The following PTPRN2 variants were observed in gnomAD, a reference collection of about 807,000 sequenced individuals.
The protein encoded by PTPRN2 is receptor-type tyrosine-protein phosphatase N2.
In PTPRN2, 74 loss-of-function variants were observed where a neutral mutation model predicts 118.8. That is an observed-to-expected ratio of 0.62 (90% CI 0.52 to 0.76). PTPRN2 has a LOEUF of 0.76. Ranked by LOEUF, PTPRN2 falls within the 30% of genes least tolerant of loss-of-function variation. The pLI, the probability that PTPRN2 is intolerant of heterozygous loss-of-function variation, is 0.00. For synonymous variants in PTPRN2, 641 were observed against 608.0 expected, an observed-to-expected ratio of 1.05 and a Z score of -0.80; for missense variants, 1,481 against 1,394.4, an observed-to-expected ratio of 1.06 and a Z score of -0.99.
At chr7:158,473,008 CCA>C (rs377711427) in intron 2 of PTPRN2, among the ~76,000 whole-genome samples, 105,874 of 151,956 alleles carry the variant, frequency 0.7, 37,071 homozygotes, top group Admixed American at 0.78. Flanking sequence ...TGGGTTTTAC[CCA>C]CGCACCGAAA....
chr7:157,588,010 CGGTGGCTGTCCCCGTGCCTGGGCTCCCGT>C (rs1563237235), intron 17 of PTPRN2, among the ~76,000 whole-genome samples: 9 of 149,190 alleles, frequency 6.0e-5, no homozygotes, highest in East Asian at 2.0e-4. Context: ...TGGGCTCCCG[CGGTGGCTGTCCCCGTGCCTGGGCTCCCGT>C]GGTGGCTGTC....
chr7:157,561,122 A>G (rs1799166132), intron 21 of PTPRN2, among the ~76,000 whole-genome samples: 1 of 150,764 alleles, frequency 6.6e-6, no homozygotes, highest in Non-Finnish European at 1.5e-5. Context: ...TGCACTGCCC[A>G]GCCATGCCAT....
chr7:158,204,227 G>A (rs1429134714), intron 4 of PTPRN2, among the ~76,000 whole-genome samples: 1 of 132,264 alleles, frequency 7.6e-6, no homozygotes, highest in Admixed American at 7.7e-5. Flanking sequence ...CCCCGCCCTC[G>A]GTGTGCGCCG....
chr7:158,524,394 G>C (rs1824595203), intron 1 of PTPRN2, among the ~76,000 whole-genome samples: 1 of 142,380 alleles, frequency 7.0e-6, no homozygotes, highest in African/African-American at 2.7e-5. Flanking sequence ...GCCCTGGAGT[G>C]GAGTCGTCTG....
At chr7:158,173,125 CCCA>C (rs759563666) in intron 5 of PTPRN2, among the ~76,000 whole-genome samples, 2 of 150,678 alleles carry the variant, frequency 1.3e-5, no homozygotes, top group Non-Finnish European at 3.0e-5. Flanking sequence ...CACCAGCGTC[CCCA>C]CCATCATCAT....
At chr7:157,836,506 T>C (rs1241683378) in intron 12 of PTPRN2, among the ~76,000 whole-genome samples, 3 of 152,000 alleles carry the variant, frequency 2.0e-5, no homozygotes, top group Non-Finnish European at 4.4e-5. Flanking sequence ...AGCACATGGG[T>C]TGAAGAACTT....
At chr7:157,846,271 A>T (rs1808793903) in intron 12 of PTPRN2, among the ~76,000 whole-genome samples, 1 of 152,052 alleles carries the variant, frequency 6.6e-6, no homozygotes, top group Non-Finnish European at 1.5e-5. Context: ...CATCCTAGGA[A>T]ATTAAAGAGG....
At chr7:158,398,126 T>G (rs903842949) in intron 2 of PTPRN2, among the ~76,000 whole-genome samples, 8 of 152,236 alleles carry the variant, frequency 5.3e-5, no homozygotes, top group South Asian at 4.1e-4. Flanking sequence ...AATCCATCTG[T>G]AACTGTTCAA....
At chr7:157,673,539 G>A (rs1796512407) in intron 13 of PTPRN2, among the ~76,000 whole-genome samples, 1 of 147,464 alleles carries the variant, frequency 6.8e-6, no homozygotes, top group African/African-American at 2.6e-5. Flanking sequence ...AATGGGAGAG[G>A]AGTAGCTAGC....
chr7:158,542,536 A>G (rs757486006), intron 1 of PTPRN2, among the ~76,000 whole-genome samples: 3 of 152,220 alleles, frequency 2.0e-5, no homozygotes, highest in Non-Finnish European at 2.9e-5. Context: ...GAAAGAAGGA[A>G]CCAAAGCGCA....
chr7:158,564,368 G>A (rs894773106), intron 1 of PTPRN2, among the ~76,000 whole-genome samples: 1 of 152,240 alleles, frequency 6.6e-6, no homozygotes, highest in Admixed American at 6.5e-5. Context: ...TAATAGAATT[G>A]TACATTTTGT....
chr7:157,805,197 TC>T (rs1158336360), intron 12 of PTPRN2, among the ~76,000 whole-genome samples: 1 of 152,152 alleles, frequency 6.6e-6, no homozygotes, highest in African/African-American at 2.4e-5. Context: ...TCTGTTCCTC[TC>T]CCCCACAGTG....
chr7:157,803,065 A>C (rs1805417568), intron 12 of PTPRN2, among the ~76,000 whole-genome samples: 1 of 152,102 alleles, frequency 6.6e-6, no homozygotes, highest in South Asian at 2.1e-4. Flanking sequence ...CCCAGATTCA[A>C]GTGATTCTCC....
chr7:158,063,394 A>AAGACCAATCAGCTCTCTGTAAAAC (rs1202821113), intron 11 of PTPRN2, among the ~76,000 whole-genome samples: 2 of 152,204 alleles, frequency 1.3e-5, no homozygotes, highest in Non-Finnish European at 2.9e-5. Flanking sequence ...CCTGTCAAAA[A>AAGACCAATCAGCTCTCTGTAAAAC]AGACCAATCA....
chr7:157,800,736 A>G (rs1037091426), intron 12 of PTPRN2, among the ~76,000 whole-genome samples: 1 of 151,960 alleles, frequency 6.6e-6, no homozygotes, highest in African/African-American at 2.4e-5. Context: ...GCGGATCACG[A>G]GGTCAGGAGA....
rs1056124477 is a variant in PTPRN2 at position 158,166,263 on chromosome 7, G to A, written c.910+668C>T. ...GGATCATCTCCTCCTCCCCCTGGCT[G>A]CCGCGTTCCCTGTCCTCACACCCTC... On this transcript the variant is annotated intron_variant, in intron 6 of 22. Transcript: ENST00000389418. Among the ~76,000 whole-genome samples, 208 of 112,042 alleles carry A rather than the reference G, an allele frequency of 1.9e-3. 14 individuals carry two copies. The highest frequency in any genetic ancestry group is 3.7e-3 in the Admixed American group (39 of 10,406). 73.5% of individuals were successfully genotyped at this position (112,042 alleles called of 152,430 possible).
intron 12 of PTPRN2, among the ~76,000 whole-genome samples, chr7:157,793,606 C>T (rs1320391831): frequency 6.6e-6 from 1 of 152,186 alleles, no homozygotes; most frequent in Non-Finnish European, 1.5e-5. Flanking sequence ...CATGCTCGCC[C>T]TCCGGCTGTC....
intron 16 of PTPRN2, among the ~76,000 whole-genome samples, chr7:157,597,962 T>C (rs1308586926): frequency 6.6e-6 from 1 of 152,196 alleles, no homozygotes; most frequent in Non-Finnish European, 1.5e-5. Flanking sequence ...GCAGAAGGAT[T>C]TTGTGGAAGC....
intron 12 of PTPRN2, among the ~76,000 whole-genome samples, chr7:157,820,720 G>A (rs185199403): frequency 6.6e-6 from 1 of 152,328 alleles, no homozygotes; most frequent in Admixed American, 6.5e-5. Flanking sequence ...AGTGGCATCT[G>A]GAGGCTGAGG....
Sources: allele counts gnomAD v4.1 joint callset (sites outside exome capture counted in the v4.1 genomes callset), GRCh38; gene constraint gnomAD v4.1.1; transcripts MANE v1.5; gene names NCBI Gene and HGNC (gene_info 2026-07-23, HGNC 2026-07-21).